ZNF324B: variants seen among roughly 807,000 people sequenced by gnomAD.
ZNF324B encodes zinc finger protein 324B.
In ZNF324B, 7 loss-of-function variants were observed where a neutral mutation model predicts 10.6. That is an observed-to-expected ratio of 0.66 (90% confidence interval 0.38 to 1.24). The LOEUF (loss-of-function observed/expected upper bound fraction) is 1.24. ZNF324B is among the 50% of genes most tolerant of loss of function. The probability of loss-of-function intolerance (pLI) is 0.02; values close to 1 mark genes in which losing one functional copy is unlikely to be tolerated. For missense variants in ZNF324B, 640 were observed against 764.7 expected (o/e 0.84, Z 1.92); for synonymous variants, 316 against 321.0 (o/e 0.98, Z 0.17).
chr19:58,445,287 C>A, the ZNF324B span: 1 of 424,772 alleles, frequency 2.4e-6, no homozygotes, highest in Non-Finnish European at 4.6e-6. Flanking sequence ...TCCTATTTAG[C>A]ACCAGCAATT....
At chr19:58,423,838 C>T in the ZNF324B span, among the ~76,000 whole-genome samples, 183 of 151,720 alleles carry the variant, frequency 1.2e-3, no homozygotes, top group African/African-American at 4.2e-3. Flanking sequence ...TCAATAAATC[C>T]AAAAACTAGA....
At chr19:58,451,974 G>C (rs1440684879) in intron 1 of ZNF324B, among the ~76,000 whole-genome samples, 2 of 152,224 alleles carry the variant, frequency 1.3e-5, no homozygotes, top group Non-Finnish European at 2.9e-5. Flanking sequence ...GGCGGCGGTG[G>C]CGCTGACAAG....
At chr19:58,443,267 G>A in the ZNF324B span, 1 of 152,196 alleles carries the variant, frequency 6.6e-6, no homozygotes, top group Non-Finnish European at 1.5e-5. Flanking sequence ...AGTGCTGATT[G>A]GTGCGTTTAC....
the ZNF324B span, chr19:58,433,091 T>C: frequency 2.0e-6 from 1 of 502,132 alleles, no homozygotes. Context: ...ACAGGACTGC[T>C]GCAAATTTTT....
rs768626793 is a variant in ZNF324B, at chr19:58,455,525, G to A, written c.581G>A (p.Arg194Gln). The change falls in exon 4 of 4, where the codon CGG (arginine) becomes CAG (glutamine). Residue 194 changes from arginine to glutamine, a missense_variant. Physicochemically the swap from Arg to Gln is conservative, Grantham distance 43 (BLOSUM62 1). Around this residue, in one of 3 missense-constraint regions of ZNF324B, gnomAD observed 345 missense variants for 387.9 expected, o/e 0.89. Transcript: ENST00000336614. This position sits in a 1 kb window ranked among gnomAD's most constrained non-coding sequence, Gnocchi z 7.0. The stretch of plus-strand genomic sequence containing the variant: ...GGGAGGCAGCCCAGGACGCCTGAGC[G>A]GCAGAAGCCATGTGCACAGGAGGTC... ...VPGRQPRTPE[R>Q]QKPCAQEVPG... The A allele has an allele frequency of 1.9e-6, 3 of 1,614,056 alleles. No homozygotes were observed. Among genetic ancestry groups the A allele is most frequent in the Non-Finnish European group, 1.7e-6 (2 of 1,180,010 alleles).
chr19:58,450,582 T>C (rs933610738), upstream of ZNF324B, among the ~76,000 whole-genome samples: 2 of 151,594 alleles, frequency 1.3e-5, no homozygotes, highest in East Asian at 3.9e-4. Context: ...GCAGGAAAAA[T>C]TTAAATAAAA....
chr19:58,435,116 T>A, the ZNF324B span: 13 of 1,614,200 alleles, frequency 8.1e-6, no homozygotes, highest in Middle Eastern at 3.3e-4. Flanking sequence ...GCTTTCTTGG[T>A]GGAAGGATCT....
Position 58,456,308 on chromosome 19 carries a change from G to A in ZNF324B, c.1364G>A (p.Cys455Tyr). The change falls in exon 4 of 4, where the codon TGC becomes TAC. Residue 455 changes from cysteine (C) to tyrosine (Y), a missense_variant. Physicochemically the swap from Cys to Tyr is radical, Grantham distance 194. This residue lies in a region of ZNF324B where 238 missense variants were observed against 258.0 expected (regional missense o/e 0.92). Transcript: ENST00000336614. This position sits in a 1 kb window ranked among gnomAD's most constrained non-coding sequence, Gnocchi z 4.7. ...CACACGGGCGAGCGGCCCTTCCGCTGCGTGGACTGTGGCAAGGGTTTCGCC... is the reference window on the plus strand; with the variant it reads ...CACACGGGCGAGCGGCCCTTCCGCTACGTGGACTGTGGCAAGGGTTTCGCC... ...LLHTGERPFR[C>Y]VDCGKGFAKG... 6.2e-7 allele frequency: 1 copy of A among 1,612,938 alleles called. No individual in the cohort carries two copies. Among genetic ancestry groups the A allele is most frequent in the Non-Finnish European group, 8.5e-7 (1 of 1,179,860 alleles).
the ZNF324B span, among the ~76,000 whole-genome samples, chr19:58,446,087 A>T: frequency 1.3e-5 from 2 of 152,214 alleles, no homozygotes; most frequent in Admixed American, 1.3e-4. Context: ...GTGAGCCAAG[A>T]TCATGCCACT....
At chr19:58,419,801 A>G in the ZNF324B span, among the ~76,000 whole-genome samples, 1 of 152,102 alleles carries the variant, frequency 6.6e-6, no homozygotes, top group African/African-American at 2.4e-5. Context: ...TAACCAAAGT[A>G]TGGATCCAGA....
the ZNF324B span, among the ~76,000 whole-genome samples, chr19:58,421,110 C>T: frequency 5.9e-5 from 9 of 151,870 alleles, no homozygotes; most frequent in African/African-American, 9.7e-5. Context: ...CAGTAACTTC[C>T]GAGTGTTGCC....
upstream of ZNF324B, among the ~76,000 whole-genome samples, chr19:58,446,826 C>T (rs1433096530): frequency 1.3e-5 from 2 of 152,054 alleles, no homozygotes; most frequent in African/African-American, 4.8e-5. Flanking sequence ...CCCCCCACCT[C>T]GGCCTCCCAA....
the ZNF324B span, chr19:58,435,479 A>G: frequency 2.7e-5 from 10 of 366,756 alleles, no homozygotes; most frequent in Non-Finnish European, 4.5e-5. Flanking sequence ...AAAAGAAGAT[A>G]TATACACAAA....
chr19:58,451,671 C>T lies in ZNF324B; in HGVS notation c.-40C>T, dbSNP rs368047244. On this transcript the variant is annotated 5_prime_UTR_variant, in exon 1 of 4. Transcript: ENST00000336614. ...CACACCGGTGGTCTGGGCTGTGGCG[C>T]GCGGGTCGGGGCCCGAGGCGGGCGG... 11 of 505,284 alleles carry T rather than the reference C, an allele frequency of 2.2e-5. No homozygotes were observed. The African/African-American group carries it at 2.2e-4, about 10-fold the overall frequency. 31.3% of individuals were successfully genotyped at this position (505,284 alleles called of 1,614,324 possible).
At chr19:58,427,291 T>TTTTCCTTCTTTCTTTCTTTCTTTC in the ZNF324B span, among the ~76,000 whole-genome samples, 1 of 58,310 alleles carries the variant, frequency 1.7e-5, no homozygotes, top group African/African-American at 5.8e-5. Flanking sequence ...TGCCTGGCTT[T>TTTTCCTTCTTTCTTTCTTTCTTTC]TTTCTTTCTT....
At chr19:58,424,805 TAAAAAC>T in the ZNF324B span, among the ~76,000 whole-genome samples, 5 of 151,288 alleles carry the variant, frequency 3.3e-5, no homozygotes, top group African/African-American at 7.3e-5. Flanking sequence ...TGTCTCAAAA[TAAAAAC>T]AAAAACAAAA....
chr19:58,455,530 A>G lies in ZNF324B; in HGVS notation c.586A>G (p.Lys196Glu), dbSNP rs773080161. 1.9e-6 allele frequency: 3 copies of G among 1,614,076 alleles called. No homozygotes were observed. Among genetic ancestry groups the G allele is most frequent in the South Asian group, 2.2e-5 (2 of 91,088 alleles). Residue 196 changes from lysine to glutamate, a missense_variant, in exon 4 of 4, where the codon AAG becomes GAG. Lys to Glu is a moderately conservative substitution (Grantham distance 56). This residue lies in a region of ZNF324B where 345 missense variants were observed against 387.9 expected (regional missense o/e 0.89). Transcript: ENST00000336614. The surrounding 1 kb of genome is among the most constrained non-coding windows in gnomAD (Gnocchi z 7.0). ...GCAGCCCAGGACGCCTGAGCGGCAG[A>G]AGCCATGTGCACAGGAGGTCCCTGG... is the stretch of plus-strand genomic sequence containing the variant. ...GRQPRTPERQ[K>E]PCAQEVPGRA... is the part of the protein sequence containing the mutation.
Position 58,456,313 on chromosome 19 carries a change from G to A in ZNF324B, c.1369G>A (p.Asp457Asn). 1.1e-5 allele frequency: 18 copies of A among 1,612,894 alleles called. No individual in the cohort carries two copies. The highest frequency in any genetic ancestry group is 1.5e-5 in the Non-Finnish European group (18 of 1,179,854). ...GGGCGAGCGGCCCTTCCGCTGCGTGGACTGTGGCAAGGGTTTCGCCAAGGG... is the reference window on the plus strand; with the variant it reads ...GGGCGAGCGGCCCTTCCGCTGCGTGAACTGTGGCAAGGGTTTCGCCAAGGG... ...HTGERPFRCVDCGKGFAKGAV... is the reference protein window; with the variant it reads ...HTGERPFRCVNCGKGFAKGAV... Residue 457 changes from aspartate to asparagine, a missense_variant, in exon 4 of 4, where the codon GAC becomes AAC. Asp to Asn is a conservative substitution (Grantham distance 23). This residue lies in a region of ZNF324B where 238 missense variants were observed against 258.0 expected (regional missense o/e 0.92). Coordinates refer to ENST00000336614, the MANE Select transcript of ZNF324B (RefSeq NM_207395.3). The surrounding 1 kb of genome is among the most constrained non-coding windows in gnomAD (Gnocchi z 4.7).
the ZNF324B span, chr19:58,435,663 T>C: frequency 6.3e-6 from 1 of 158,622 alleles, no homozygotes; most frequent in Non-Finnish European, 1.4e-5. Context: ...GACAGGGATG[T>C]AAAATGGTGC....
Sources: gnomAD v4.1 joint callset for allele counts (sites outside exome capture counted in the v4.1 genomes callset) on GRCh38, gnomAD v4.1.1 for gene constraint, gnomAD v4.1.1 regional missense constraint, Gnocchi (gnomAD v3.1) non-coding constraint, MANE v1.5 for transcripts, NCBI Gene and HGNC (gene_info 2026-07-23, HGNC 2026-07-21) for gene names.